The following ZDHHC16 variants were observed in gnomAD, a reference collection of about 807,000 sequenced individuals.
ZDHHC16 encodes the protein zDHHC palmitoyltransferase 16.
A neutral mutation model predicts 54.4 loss-of-function variants in ZDHHC16; 33 were observed. The observed-to-expected ratio is 0.61, with a 90% confidence interval of 0.46 to 0.81. The LOEUF (loss-of-function observed/expected upper bound fraction) is 0.81, where lower values mean the gene tolerates loss of function less well. Among genes scored for constraint, ZDHHC16 ranks in the 30% least tolerant of loss-of-function variants. The pLI, the probability that ZDHHC16 is intolerant of heterozygous loss-of-function variation, is 0.00. For missense variants in ZDHHC16, 420 were observed against 485.9 expected, an observed-to-expected ratio of 0.86 and a Z score of 1.28; for synonymous variants, 185 against 182.1, an observed-to-expected ratio of 1.02 and a Z score of -0.13.
At position 97,455,658 on chromosome 10, in the gene ZDHHC16, AG is replaced by A. The variant is rs1233562415; in HGVS notation, c.825-1del. The A allele has an allele frequency of 6.2e-7, 1 of 1,614,116 alleles. No individual in the cohort carries two copies. The highest frequency in any genetic ancestry group is 1.7e-5 in the Admixed American group (1 of 60,006). ...CACCAGTCTTCGCCCCTCTTTTCTTAGTTCTGTGGCACTTGCCCTGGGTGCC... is the reference window on the plus strand; with the variant it reads ...CACCAGTCTTCGCCCCTCTTTTCTTATTCTGTGGCACTTGCCCTGGGTGCC... On this transcript the variant is annotated splice_acceptor_variant, in intron 9 of 11. Coordinates refer to ENST00000393760, the MANE Select transcript of ZDHHC16 (RefSeq NM_198046.3). LOFTEE classifies it high-confidence loss of function.
chr10:97,452,666 G>A (rs1846758062), intron 5 of ZDHHC16, 163 bp downstream of exon 5: 5 of 932,898 alleles, frequency 5.4e-6, no homozygotes, highest in Non-Finnish European at 8.1e-6. Context: ...GGTCCTGTGA[G>A]TTAGGCATTA....
intron 1 of ZDHHC16, among the ~76,000 whole-genome samples, chr10:97,449,720 G>A (rs1846420634): frequency 6.6e-6 from 1 of 152,134 alleles, no homozygotes; most frequent in Non-Finnish European, 1.5e-5. Context: ...AGTAGAGACA[G>A]TGTTTCACCA....
intron 9 of ZDHHC16, 100 bp downstream of exon 9, chr10:97,454,899 C>A: frequency 1.0e-6 from 1 of 971,208 alleles, no homozygotes. Flanking sequence ...TGAACTGCCA[C>A]TGCTCTAGTC....
chr10:97,451,571 CT>C (rs1846612662), intron 2 of ZDHHC16, 99 bp from the exon 3 acceptor site: 9 of 1,497,056 alleles, frequency 6.0e-6, no homozygotes, highest in African/African-American at 1.4e-5. Context: ...GGGTCTTAGT[CT>C]TAGGTCTTTG....
chr10:97,449,224 G>GTTTTTTTTTT (rs11425114), intron 1 of ZDHHC16, among the ~76,000 whole-genome samples: 1 of 147,940 alleles, frequency 6.8e-6, no homozygotes, highest in African/African-American at 2.5e-5. Context: ...GAGAATAGAA[G>GTTTTTTTTTT]TTTTTTTTTT....
In ZDHHC16 at chr10:97,456,949, G is replaced by A. The variant is rs959263703; in HGVS notation, c.*58G>A. ...ATTCTGCTCCCTATGTTATTTCAAG[G>A]GCCTCCAAGGGCAGCTTTTCTCAGA... On this transcript the variant is annotated 3_prime_UTR_variant, in exon 12 of 12. Coordinates refer to ENST00000393760, the MANE Select transcript of ZDHHC16 (RefSeq NM_198046.3). The A allele has an allele frequency of 3.5e-5, 47 of 1,340,344 alleles. No individual in the cohort carries two copies. The African/African-American group carries it at 4.1e-4, about 12-fold the overall frequency. The allele number at this position is 1,340,344 out of a possible 1,614,324, so 83.0% of individuals were successfully genotyped here. A position where few individuals can be genotyped will look rare whatever the true frequency, so the allele number is the denominator to read the frequency against.
intron 1 of ZDHHC16, among the ~76,000 whole-genome samples, chr10:97,446,614 G>A (rs371362066): frequency 6.6e-6 from 1 of 152,234 alleles, no homozygotes; most frequent in Non-Finnish European, 1.5e-5. Context: ...TGTCCAAAAT[G>A]ATCAAGATAG....
chr10:97,456,128 T>C, intron 11 of ZDHHC16, 84 bp downstream of exon 11: 2 of 1,357,306 alleles, frequency 1.5e-6, no homozygotes, highest in Admixed American at 1.8e-5. Flanking sequence ...ACTTGGAATA[T>C]GGCTAGTGGC....
rs578152441 is a variant in ZDHHC16 at position 97,454,983 on chromosome 10, T to G, written c.824+184T>G. 3.3e-5 allele frequency among the ~76,000 whole-genome samples: 5 copies of G among 152,322 alleles called. No homozygotes were observed. The East Asian group carries it at 9.6e-4, about 29-fold the overall frequency. ...GGAGCACTGAGGATATTGGCATTGC[T>G]TATTACTAAGCACACAGATACAAGT... On this transcript the variant is annotated intron_variant, in intron 9 of 11. Coordinates refer to ENST00000393760, the MANE Select transcript of ZDHHC16 (RefSeq NM_198046.3).
At chr10:97,450,157 C>T (rs1000821623) in intron 1 of ZDHHC16, among the ~76,000 whole-genome samples, 200 bp from the exon 2 acceptor site, 1 of 152,118 alleles carries the variant, frequency 6.6e-6, no homozygotes, top group South Asian at 2.1e-4. Context: ...AGGCGTGAGC[C>T]ACCGTGCCCG....
chr10:97,452,872 G>A, intron 5 of ZDHHC16, 23 bp from the exon 6 acceptor site: 1 of 1,614,216 alleles, frequency 6.2e-7, no homozygotes, highest in Non-Finnish European at 8.5e-7. Context: ...CACCGTAACA[G>A]AGCCTGTGTC....
chr10:97,446,529 A>G (rs886085977), intron 1 of ZDHHC16, among the ~76,000 whole-genome samples, 176 bp downstream of exon 1: 5 of 152,150 alleles, frequency 3.3e-5, no homozygotes, highest in Admixed American at 3.3e-4. Context: ...TCAGAGCAGG[A>G]GGGAAGGAGG....
In ZDHHC16 at chr10:97,446,284, G is replaced by A. The variant is rs541144107; in HGVS notation, c.-255G>A. On this transcript the variant is annotated 5_prime_UTR_variant, in exon 1 of 12. Coordinates refer to ENST00000393760, the MANE Select transcript of ZDHHC16 (RefSeq NM_198046.3). The stretch of plus-strand genomic sequence containing the variant: ...GCCCGGCCGGGGCGCCGAGTCGGAG[G>A]GGGTGGCAGTGAGCGGCGGCAGAGG... 3.8e-6 allele frequency: 2 copies of A among 519,688 alleles called. No individual in the cohort carries two copies. Among genetic ancestry groups the A allele is most frequent in the South Asian group, 2.1e-5 (1 of 47,230 alleles). The allele number at this position is 519,688 out of a possible 1,614,324, so 32.2% of individuals were successfully genotyped here.
At chr10:97,454,447 C>T (rs1846971228) in intron 8 of ZDHHC16, among the ~76,000 whole-genome samples, 1 of 152,126 alleles carries the variant, frequency 6.6e-6, no homozygotes, top group Admixed American at 6.5e-5. Flanking sequence ...CCCTGGAGCC[C>T]CATTTGTGTT....
intron 1 of ZDHHC16, among the ~76,000 whole-genome samples, chr10:97,447,858 G>A (rs946084209): frequency 3.3e-5 from 5 of 152,126 alleles, no homozygotes; most frequent in African/African-American, 1.2e-4. Context: ...AGGAGGCGGA[G>A]GTTGTGGTGA....
At chr10:97,448,855 T>C (rs1846341912) in intron 1 of ZDHHC16, among the ~76,000 whole-genome samples, 1 of 152,340 alleles carries the variant, frequency 6.6e-6, no homozygotes, top group South Asian at 2.1e-4. Flanking sequence ...AAGATACGTA[T>C]AGGTTATATG....
chr10:97,452,454 T>G lies in ZDHHC16; in HGVS notation c.478T>G (p.Cys160Gly). The G allele has an allele frequency of 1.9e-6, 3 of 1,614,174 alleles. No homozygotes were observed. Among genetic ancestry groups the G allele is most frequent in the Non-Finnish European group, 2.5e-6 (3 of 1,180,006 alleles). ...CGCCACCGTCTCCATCTGTAAGAAG[T>G]GCATTTACCCCAAGCCAGCCCGAAC... is the stretch of plus-strand genomic sequence containing the variant. ...DIATVSICKK[C>G]IYPKPARTHH... Residue 160 changes from cysteine to glycine, a missense_variant, in exon 5 of 12, where the codon TGC becomes GGC. Cys to Gly is a radical substitution (Grantham distance 159, BLOSUM62 -3). Coordinates refer to ENST00000393760, the MANE Select transcript of ZDHHC16 (RefSeq NM_198046.3).
Position 97,456,809 on chromosome 10 carries a change from G to A in ZDHHC16, c.1052G>A (p.Ser351Asn). 11 of 1,613,616 alleles carry A rather than the reference G, an allele frequency of 6.8e-6. No homozygotes were observed. Among genetic ancestry groups the A allele is most frequent in the Non-Finnish European group, 8.5e-6 (10 of 1,179,722 alleles). ...CTTACTCGGGTGCTCTTACCTTCTA[G>A]TCACTTGCCCCATGGGAATGGAATG... is the stretch of plus-strand genomic sequence containing the variant. Reference protein sequence around the residue: ...HWLTRVLLPSSHLPHGNGMSW... With the variant: ...HWLTRVLLPSNHLPHGNGMSW... Residue 351 changes from serine to asparagine, a missense_variant, in exon 12 of 12, where the codon AGT becomes AAT. Transcript: ENST00000393760.
Position 97,455,784 on chromosome 10 carries a change from G to C in ZDHHC16, c.948+1G>C. 6.2e-7 allele frequency: 1 copy of C among 1,613,424 alleles called. No individual in the cohort carries two copies. The highest frequency in any genetic ancestry group is 8.5e-7 in the Non-Finnish European group (1 of 1,179,328). On this transcript the variant is annotated splice_donor_variant, in intron 10 of 11. Coordinates refer to ENST00000393760, the MANE Select transcript of ZDHHC16 (RefSeq NM_198046.3). LOFTEE classifies it high-confidence loss of function. ...ACGTCGGCTACAGGCCAAGGGCAGAGTGAGTAGGGTTGAAGGCTCGGGGTG... is the reference window on the plus strand; with the variant it reads ...ACGTCGGCTACAGGCCAAGGGCAGACTGAGTAGGGTTGAAGGCTCGGGGTG...
Sources: gnomAD v4.1 joint callset for allele counts (sites outside exome capture counted in the v4.1 genomes callset) on GRCh38, gnomAD v4.1.1 for gene constraint, MANE v1.5 for transcripts, NCBI Gene and HGNC (gene_info 2026-07-23, HGNC 2026-07-21) for gene names.